Variants in MARCHF1 observed in about 807,000 individuals in gnomAD.
MARCHF1 encodes the protein membrane associated ring-CH-type finger 1.
MARCHF1 carries 40 observed loss-of-function variants against 54.2 expected under a neutral mutation model. The observed-to-expected ratio is 0.74, with a 90% CI of 0.57 to 0.96. MARCHF1 has a LOEUF of 0.96. Ranked by LOEUF, MARCHF1 falls within the 40% of genes least tolerant of loss-of-function variation. The pLI, the probability that MARCHF1 is intolerant of heterozygous loss-of-function variation, is 0.00. For synonymous variants in MARCHF1, 236 were observed against 236.3 expected (o/e 1.00, Z 0.01); for missense variants, 586 against 656.5 (o/e 0.89, Z 1.17).
chr4:164,001,789 A>C (rs1193097900), intron 2 of MARCHF1, among the ~76,000 whole-genome samples: 1 of 151,866 alleles, frequency 6.6e-6, no homozygotes, highest in African/African-American at 2.4e-5. Context: ...CGAGCTATAA[A>C]GAGAAAGCTC....
intron 3 of MARCHF1, among the ~76,000 whole-genome samples, chr4:163,942,797 A>C (rs1428781437): frequency 6.6e-6 from 1 of 152,132 alleles, no homozygotes; most frequent in Non-Finnish European, 1.5e-5. Flanking sequence ...AGTCTCCCTT[A>C]TAATAAATTG....
intron 5 of MARCHF1, among the ~76,000 whole-genome samples, chr4:163,629,483 G>T (rs192761972): frequency 3.3e-5 from 5 of 152,286 alleles, no homozygotes; most frequent in Admixed American, 3.3e-4. Context: ...ATACCTTTCA[G>T]GACATAGGTA....
chr4:163,912,199 T>G (rs989210842), intron 3 of MARCHF1, among the ~76,000 whole-genome samples: 6 of 152,070 alleles, frequency 3.9e-5, no homozygotes, highest in African/African-American at 1.2e-4. Flanking sequence ...GTTGTCAGAA[T>G]TTAGATATTA....
chr4:163,551,010 A>C (rs1463429403), intron 8 of MARCHF1, among the ~76,000 whole-genome samples: 2 of 152,240 alleles, frequency 1.3e-5, no homozygotes, highest in African/African-American at 4.8e-5. Context: ...GATGACACTT[A>C]GCAGAGTTGC....
chr4:163,647,741 T>C (rs944894866), intron 5 of MARCHF1, among the ~76,000 whole-genome samples: 17 of 151,716 alleles, frequency 1.1e-4, no homozygotes, highest in African/African-American at 3.6e-4. Context: ...TACAAAAAAC[T>C]ATAGGATATA....
At chr4:164,130,015 T>C (rs1368254999) in intron 1 of MARCHF1, 1 of 152,142 alleles carries the variant, frequency 6.6e-6, no homozygotes, top group Non-Finnish European at 1.5e-5. Context: ...ATGTTCTGAA[T>C]TTTCATCAAG....
chr4:164,100,925 T>C (rs11932042), intron 2 of MARCHF1, among the ~76,000 whole-genome samples: 127,801 of 152,226 alleles, frequency 0.84, 54,157 homozygotes, highest in Non-Finnish European at 0.89. Context: ...CGAGCCGAAG[T>C]AGGGCGAGGC....
At chr4:164,367,060 G>A (rs1730899897) in intron 1 of MARCHF1, among the ~76,000 whole-genome samples, 1 of 152,040 alleles carries the variant, frequency 6.6e-6, no homozygotes, top group South Asian at 2.1e-4. Flanking sequence ...TGTTACAAAA[G>A]TGACATGTGT....
chr4:163,540,126 G>A (rs1738674138), intron 9 of MARCHF1, among the ~76,000 whole-genome samples: 1 of 152,140 alleles, frequency 6.6e-6, no homozygotes, highest in Admixed American at 6.5e-5. Context: ...TGATCTCTAA[G>A]GTCTCTTGCA....
chr4:163,985,255 T>C (rs1752839303), intron 3 of MARCHF1, among the ~76,000 whole-genome samples: 1 of 152,160 alleles, frequency 6.6e-6, no homozygotes, highest in Middle Eastern at 3.2e-3. Flanking sequence ...ACTGCAAGTC[T>C]AAGGCACTTC....
At chr4:163,668,445 T>A (rs1743616391) in intron 5 of MARCHF1, among the ~76,000 whole-genome samples, 1 of 152,112 alleles carries the variant, frequency 6.6e-6, no homozygotes, top group Non-Finnish European at 1.5e-5. Flanking sequence ...TGCACATACA[T>A]GATAGAGACT....
At chr4:164,231,509 T>C (rs1460885321) in intron 1 of MARCHF1, among the ~76,000 whole-genome samples, 1 of 152,170 alleles carries the variant, frequency 6.6e-6, no homozygotes, top group Admixed American at 6.6e-5. Flanking sequence ...ACGGTTAACA[T>C]GACATCTTTT....
At chr4:164,013,167 A>G (rs1453124454) in intron 2 of MARCHF1, among the ~76,000 whole-genome samples, 1 of 152,196 alleles carries the variant, frequency 6.6e-6, no homozygotes. Context: ...AAGGAATTAA[A>G]AATTCTATCA....
intron 1 of MARCHF1, among the ~76,000 whole-genome samples, chr4:164,318,246 G>GA (rs1466410330): frequency 1.3e-5 from 2 of 152,134 alleles, no homozygotes; most frequent in Non-Finnish European, 2.9e-5. Context: ...TTGTGCTCTA[G>GA]AAAAAGACAG....
intron 1 of MARCHF1, among the ~76,000 whole-genome samples, chr4:164,200,096 G>A (rs535455420): frequency 5.3e-5 from 8 of 152,086 alleles, no homozygotes; most frequent in African/African-American, 7.2e-5. Flanking sequence ...GACTGCATTC[G>A]GAGAAGCACA....
chr4:164,273,545 A>C, intron 1 of MARCHF1, among the ~76,000 whole-genome samples: 1 of 152,190 alleles, frequency 6.6e-6, no homozygotes, highest in Non-Finnish European at 1.5e-5. Context: ...CTAAAGAAAA[A>C]CCAGAAAGTA....
chr4:163,836,804 T>A (rs1253879999), intron 4 of MARCHF1, among the ~76,000 whole-genome samples: 2 of 150,606 alleles, frequency 1.3e-5, no homozygotes, highest in Non-Finnish European at 3.0e-5. Context: ...ATGACAGGAC[T>A]ACAATAGAAG....
chr4:163,885,054 G>C (rs1437649629), intron 3 of MARCHF1, among the ~76,000 whole-genome samples: 2 of 152,180 alleles, frequency 1.3e-5, no homozygotes, highest in African/African-American at 4.8e-5. Flanking sequence ...AAATGAGGCA[G>C]TGTGTAAGAC....
At chr4:164,120,108 TA>T (rs143916696) in intron 1 of MARCHF1, among the ~76,000 whole-genome samples, 60,638 of 151,732 alleles carry the variant, frequency 0.4, 13,379 homozygotes, top group Non-Finnish European at 0.49. Flanking sequence ...AAATAGAACT[TA>T]ACTCACACAA....
Sources: gnomAD v4.1 joint callset for allele counts (sites outside exome capture counted in the v4.1 genomes callset) on GRCh38, gnomAD v4.1.1 for gene constraint, MANE v1.5 for transcripts, NCBI Gene and HGNC (gene_info 2026-07-23, HGNC 2026-07-21) for gene names.